The following VBP1 variants were observed in gnomAD, a reference collection of about 807,000 sequenced individuals.
The protein encoded by VBP1 is prefoldin subunit 3.
VBP1 carries 4 observed loss-of-function variants against 15.5 expected under a neutral mutation model. That is an observed-to-expected ratio of 0.26 (90% confidence interval 0.13 to 0.59). VBP1 has a LOEUF of 0.59. Among genes scored for constraint, VBP1 ranks in the 20% least tolerant of loss-of-function variants. The pLI, the probability that VBP1 is intolerant of heterozygous loss-of-function variation, is 0.90. For missense variants in VBP1, 108 were observed against 139.6 expected (o/e 0.77, Z 1.14); for synonymous variants, 61 against 52.1 (o/e 1.17, Z -0.74).
chrX:155,230,847 C>G lies in VBP1; in HGVS notation c.384+2365C>G, dbSNP rs782656653. On this transcript the variant is annotated intron_variant, in intron 4 of 5. Transcript: ENST00000286428. ...CACAGGCACGTGCTACCATGCCCAG[C>G]TAAATTTTTTGGTAGAGACGGGGTT... 1.3e-4 allele frequency among the ~76,000 whole-genome samples: 14 copies of G among 111,574 alleles called. No homozygotes were observed. In the East Asian group the frequency reaches 3.7e-3, roughly 29 times the overall value.
At chrX:155,225,539 T>C (rs1188732445) in intron 2 of VBP1, among the ~76,000 whole-genome samples, 1 of 111,166 alleles carries the variant, frequency 9.0e-6, no homozygotes, top group Non-Finnish European at 1.9e-5. Context: ...TAGGGAGGAG[T>C]GTATTGCTTG....
At chrX:155,225,510 C>G (rs868923998) in intron 2 of VBP1, among the ~76,000 whole-genome samples, 1 of 112,283 alleles carries the variant, frequency 8.9e-6, no homozygotes, top group South Asian at 3.7e-4. Context: ...AAGCTACTTT[C>G]TCTTCAGGTG....
At chrX:155,224,373 G>A (rs1202665454) in intron 2 of VBP1, among the ~76,000 whole-genome samples, 1 of 113,083 alleles carries the variant, frequency 8.8e-6, no homozygotes, top group African/African-American at 3.2e-5. Flanking sequence ...GCCGAGGCTG[G>A]CAGATCACTC....
chrX:155,204,857 T>G (rs190052226), intron 1 of VBP1, among the ~76,000 whole-genome samples: 96 of 112,205 alleles, frequency 8.6e-4, no homozygotes, highest in Non-Finnish European at 1.5e-3. Flanking sequence ...TCTGAAGGAT[T>G]TTATTGTTGT....
intron 4 of VBP1, among the ~76,000 whole-genome samples, chrX:155,233,110 T>A (rs1714505889): frequency 8.9e-6 from 1 of 112,255 alleles, no homozygotes; most frequent in African/African-American, 3.2e-5. Context: ...TAAAACAATA[T>A]CCATTATCTC....
chrX:155,228,774 C>T (rs2074731972), intron 4 of VBP1, among the ~76,000 whole-genome samples: 1 of 111,482 alleles, frequency 9.0e-6, no homozygotes, highest in Admixed American at 9.5e-5. Context: ...CCAGTTAGTG[C>T]TTTATCTCTC....
chrX:155,237,859 A>G (rs1248970452), intron 5 of VBP1, among the ~76,000 whole-genome samples: 1 of 111,859 alleles, frequency 8.9e-6, no homozygotes, highest in Non-Finnish European at 1.9e-5. Flanking sequence ...CTTCAGATGT[A>G]GGAGCTGCAC....
intron 1 of VBP1, among the ~76,000 whole-genome samples, chrX:155,199,783 T>C (rs189186694): frequency 0.012 from 1,377 of 112,025 alleles, 24 homozygotes; most frequent in African/African-American, 0.042. Context: ...GTAAATGGGC[T>C]AAATGCTCCA....
At chrX:155,215,277 T>C (rs1289447446), upstream of VBP1, among the ~76,000 whole-genome samples, 1 of 111,379 alleles carries the variant, frequency 9.0e-6, no homozygotes, top group Non-Finnish European at 1.9e-5. Flanking sequence ...TGGTGAAGAA[T>C]AGAATTCCCA....
intron 2 of VBP1, among the ~76,000 whole-genome samples, chrX:155,221,193 G>A (rs1023253717): frequency 1.8e-5 from 2 of 111,065 alleles, no homozygotes; most frequent in African/African-American, 3.3e-5. Flanking sequence ...TTAGCCAGAC[G>A]TGGTGGCATG....
At chrX:155,205,506 C>G (rs782588264) in intron 1 of VBP1, among the ~76,000 whole-genome samples, 17 of 111,469 alleles carry the variant, frequency 1.5e-4, no homozygotes, top group Non-Finnish European at 3.2e-4. Flanking sequence ...AATGCAATGG[C>G]CTTTATTTTC....
intron 5 of VBP1, 37 bp from the exon 6 acceptor site, chrX:155,238,735 A>G (rs1281715211): frequency 1.8e-6 from 2 of 1,111,116 alleles, no homozygotes; most frequent in African/African-American, 1.8e-5. Context: ...CATTATCTTT[A>G]GAATTGCATT....
intron 5 of VBP1, among the ~76,000 whole-genome samples, chrX:155,237,793 T>C: frequency 8.9e-6 from 1 of 112,495 alleles, no homozygotes; most frequent in East Asian, 2.8e-4. Flanking sequence ...TCAGAGTGTT[T>C]CTTGTGTGCT....
chrX:155,201,021 A>T (rs1242945552), intron 1 of VBP1, among the ~76,000 whole-genome samples: 1 of 111,869 alleles, frequency 8.9e-6, no homozygotes, highest in African/African-American at 3.3e-5. Flanking sequence ...AGAAATGGAT[A>T]AATTCCTCGA....
chrX:155,225,735 A>G (rs1290586522), intron 2 of VBP1, among the ~76,000 whole-genome samples: 2 of 112,555 alleles, frequency 1.8e-5, no homozygotes, highest in Non-Finnish European at 3.7e-5. Context: ...TGTATCACAT[A>G]TTTTACAAAT....
At chrX:155,215,543 A>G (rs2074659419), upstream of VBP1, among the ~76,000 whole-genome samples, 1 of 112,349 alleles carries the variant, frequency 8.9e-6, no homozygotes, top group Non-Finnish European at 1.9e-5. Flanking sequence ...ATATCTAAAG[A>G]CATATCTATG....
In VBP1 at chrX:155,238,871, T is replaced by G. The variant is rs782663830; in HGVS notation, c.*29T>G. 3.5e-6 allele frequency: 4 copies of G among 1,142,746 alleles called. No individual in the cohort carries two copies. Among genetic ancestry groups the G allele is most frequent in the Non-Finnish European group, 2.4e-6 (2 of 844,704 alleles). The allele number at this position is 1,142,746 out of a possible 1,213,427, so 94.2% of individuals were successfully genotyped here. On this transcript the variant is annotated 3_prime_UTR_variant, in exon 6 of 6. Transcript: ENST00000286428. ...TGGCAATTAAAAATGTGGTTTAGTT[T>G]TCCAAACATGTTATCTTAAATACCC...
intron 1 of VBP1, among the ~76,000 whole-genome samples, chrX:155,207,578 A>G (rs1425609622): frequency 1.8e-5 from 2 of 112,062 alleles, no homozygotes; most frequent in East Asian, 5.6e-4. Context: ...CACTGAAGAT[A>G]GCTAGGAACT....
intron 2 of VBP1, among the ~76,000 whole-genome samples, chrX:155,222,622 ACT>A (rs1373537578): frequency 2.7e-5 from 3 of 111,881 alleles, no homozygotes; most frequent in Non-Finnish European, 5.6e-5. Context: ...TATATTGCTA[ACT>A]CTACAACTGT....
Sources: gnomAD v4.1 joint callset for allele counts (sites outside exome capture counted in the v4.1 genomes callset) on GRCh38, gnomAD v4.1.1 for gene constraint, MANE v1.5 for transcripts, NCBI Gene and HGNC (gene_info 2026-07-23, HGNC 2026-07-21) for gene names.